The following AGBL4 variants were observed in gnomAD, a reference collection of about 807,000 sequenced individuals.
The protein encoded by AGBL4 is AGBL carboxypeptidase 4.
AGBL4 carries 58 observed loss-of-function variants against 66.4 expected under a neutral mutation model. The ratio of observed to expected loss-of-function variants is 0.87; its 90% CI spans 0.71 to 1.09. The LOEUF (loss-of-function observed/expected upper bound fraction) is 1.09, where lower values mean the gene tolerates loss of function less well. Among genes scored for constraint, AGBL4 ranks in the 50% least tolerant of loss-of-function variants. The pLI, the probability that AGBL4 is intolerant of heterozygous loss-of-function variation, is 0.00. For synonymous variants in AGBL4, 234 were observed against 222.9 expected (o/e 1.05, Z -0.44); for missense variants, 579 against 631.0 (o/e 0.92, Z 0.88).
At chr1:48,835,872 T>C (rs1019985445) in intron 6 of AGBL4, among the ~76,000 whole-genome samples, 3 of 151,838 alleles carry the variant, frequency 2.0e-5, no homozygotes, top group South Asian at 2.1e-4. Context: ...ATCACAGAAA[T>C]TGGAAGAAGC....
intron 5 of AGBL4, among the ~76,000 whole-genome samples, chr1:49,033,120 A>G (rs536228382): frequency 6.6e-6 from 1 of 152,246 alleles, no homozygotes; most frequent in East Asian, 1.9e-4. Context: ...CCTCAGCTAG[A>G]TACTGAGATG....
At chr1:49,012,606 G>T (rs1220516941) in intron 5 of AGBL4, among the ~76,000 whole-genome samples, 1 of 152,122 alleles carries the variant, frequency 6.6e-6, no homozygotes, top group Non-Finnish European at 1.5e-5. Flanking sequence ...GTGGTTTTTG[G>T]TCCGATTAAG....
At chr1:48,572,129 A>G (rs1211734761) in intron 11 of AGBL4, among the ~76,000 whole-genome samples, 1 of 152,164 alleles carries the variant, frequency 6.6e-6, no homozygotes, top group East Asian at 1.9e-4. Context: ...AGGAGGCAGC[A>G]GAGTGGGGCT....
chr1:49,820,658 T>C (rs1247835949), intron 2 of AGBL4, among the ~76,000 whole-genome samples: 1 of 152,190 alleles, frequency 6.6e-6, no homozygotes, highest in African/African-American at 2.4e-5. Context: ...GGGTCTCAAC[T>C]AGCTAGTCTA....
chr1:49,970,526 T>C (rs181838521), intron 1 of AGBL4, among the ~76,000 whole-genome samples: 1 of 151,842 alleles, frequency 6.6e-6, no homozygotes, highest in African/African-American at 2.4e-5. Flanking sequence ...TGAAACCCCA[T>C]CTCTACTAAA....
Position 48,736,384 on chromosome 1 carries a change from A to G in AGBL4, c.635-73143T>C, listed in dbSNP as rs1570420146. ...CTGCCAAGTTCTTCGTGTACTTGGA[A>G]TCTCCTTGGGTTACTTGTAGCTGGT... On this transcript the variant is annotated intron_variant, in intron 6 of 13. Transcript: ENST00000371839. This position sits in a 1 kb window ranked among gnomAD's most constrained non-coding sequence, Gnocchi z 4.0. The G allele has an allele frequency of 6.2e-7, 1 of 1,614,050 alleles. No individual in the cohort carries two copies. Among genetic ancestry groups the G allele is most frequent in the Middle Eastern group, 1.6e-4 (1 of 6,062 alleles).
At chr1:49,653,233 G>A (rs1646046321) in intron 3 of AGBL4, among the ~76,000 whole-genome samples, 2 of 152,098 alleles carry the variant, frequency 1.3e-5, no homozygotes, top group African/African-American at 4.8e-5. Flanking sequence ...CTAAGGAAGA[G>A]GGGTCTGATT....
chr1:48,768,745 C>T (rs1243245409), intron 6 of AGBL4, among the ~76,000 whole-genome samples: 1 of 152,190 alleles, frequency 6.6e-6, no homozygotes. Flanking sequence ...AAAGGCTACA[C>T]ATAAAATGCT....
At chr1:49,903,013 G>A (rs961947136) in intron 1 of AGBL4, among the ~76,000 whole-genome samples, 1 of 151,990 alleles carries the variant, frequency 6.6e-6, no homozygotes, top group African/African-American at 2.4e-5. Flanking sequence ...ATACTCAAAG[G>A]AATATAAATC....
chr1:49,193,242 T>C (rs947000286), intron 4 of AGBL4, among the ~76,000 whole-genome samples: 6 of 151,930 alleles, frequency 3.9e-5, no homozygotes, highest in Admixed American at 3.3e-4. Context: ...TTTTTTTTTC[T>C]GGTAGCTTTG....
chr1:49,723,889 T>C (rs1040698708), intron 2 of AGBL4, among the ~76,000 whole-genome samples: 2 of 152,098 alleles, frequency 1.3e-5, no homozygotes, highest in African/African-American at 2.4e-5. Context: ...ATATCTTCTA[T>C]ATGCATGGAA....
At chr1:48,632,918 T>C (rs906451869) in intron 9 of AGBL4, among the ~76,000 whole-genome samples, 1 of 152,178 alleles carries the variant, frequency 6.6e-6, no homozygotes, top group African/African-American at 2.4e-5. Context: ...CAGGATGACA[T>C]TGAGAGGTCA....
At chr1:49,336,572 G>T (rs1264509699) in intron 3 of AGBL4, among the ~76,000 whole-genome samples, 1 of 152,148 alleles carries the variant, frequency 6.6e-6, no homozygotes, top group African/African-American at 2.4e-5. Flanking sequence ...TTTATTTACT[G>T]TTCTCTGCTT....
At chr1:49,278,252 C>T (rs1031161998) in intron 3 of AGBL4, among the ~76,000 whole-genome samples, 19 of 151,836 alleles carry the variant, frequency 1.3e-4, no homozygotes, top group African/African-American at 4.6e-4. Flanking sequence ...GAAAATTTAT[C>T]TCCTCTCCTT....
intron 3 of AGBL4, among the ~76,000 whole-genome samples, chr1:49,342,636 C>T (rs1196507620): frequency 6.6e-6 from 1 of 152,150 alleles, no homozygotes; most frequent in African/African-American, 2.4e-5. Context: ...CCAGAGACTG[C>T]CCAATGCTGT....
intron 4 of AGBL4, among the ~76,000 whole-genome samples, chr1:49,079,891 T>C (rs1443284838): frequency 6.6e-6 from 1 of 152,220 alleles, no homozygotes; most frequent in African/African-American, 2.4e-5. Flanking sequence ...CCAAAGTTTT[T>C]CCTGCTTTAT....
rs1330699930 is a variant in AGBL4, at chr1:49,552,906, T to G, written c.282+144407A>C. On this transcript the variant is annotated intron_variant, in intron 3 of 13. Transcript: ENST00000371839. ...GCTACTCTTAGAATCATATTTCAAG[T>G]CTTCATTTTATTATTAATTAGACAA... Among the ~76,000 whole-genome samples, 9 of 152,176 alleles carry G rather than the reference T, an allele frequency of 5.9e-5. No individual in the cohort carries two copies. The East Asian group carries it at 1.3e-3, about 23-fold the overall frequency.
At chr1:48,617,059 A>T (rs1169656526) in intron 9 of AGBL4, among the ~76,000 whole-genome samples, 1 of 152,188 alleles carries the variant, frequency 6.6e-6, no homozygotes, top group African/African-American at 2.4e-5. Context: ...GAAGAAAGAA[A>T]GGAAGAAAGG....
At chr1:48,632,018 C>CT (rs1420366409) in intron 9 of AGBL4, among the ~76,000 whole-genome samples, 1 of 151,958 alleles carries the variant, frequency 6.6e-6, no homozygotes, top group Non-Finnish European at 1.5e-5. Flanking sequence ...TAGGGTTTTT[C>CT]TTTTTCACTA....
Sources: allele counts gnomAD v4.1 joint callset (sites outside exome capture counted in the v4.1 genomes callset), GRCh38; gene constraint gnomAD v4.1.1; non-coding constraint Gnocchi (gnomAD v3.1); transcripts MANE v1.5; gene names NCBI Gene and HGNC (gene_info 2026-07-23, HGNC 2026-07-21).